The following FOXN3 variants were observed in gnomAD, a reference collection of about 807,000 sequenced individuals.
The protein encoded by FOXN3 is forkhead box N3.
FOXN3 carries 7 observed loss-of-function variants against 38.4 expected under a neutral mutation model. The ratio of observed to expected loss-of-function variants is 0.18; its 90% CI spans 0.10 to 0.34. The LOEUF (loss-of-function observed/expected upper bound fraction) is 0.34. Among genes scored for constraint, FOXN3 ranks in the 10% least tolerant of loss-of-function variants. FOXN3 has a pLI of 1.00. For synonymous variants in FOXN3, 230 were observed against 242.2 expected, an observed-to-expected ratio of 0.95 and a Z score of 0.47; for missense variants, 456 against 613.4, an observed-to-expected ratio of 0.74 and a Z score of 2.71.
In FOXN3 at chr14:89,594,189, G is replaced by A. The variant is rs117951643; in HGVS notation, c.-15+24839C>T. Among the ~76,000 whole-genome samples the A allele has an allele frequency of 5.3e-4, 81 of 152,244 alleles. 1 individual carries two copies. The East Asian group carries it at 0.013, about 24-fold the overall frequency. ...TGAACATTTCTATCCATAATTTTGG[G>A]TACATATGTATTCACTTTTCCATTG... On this transcript the variant is annotated intron_variant, in intron 1 of 6. Transcript: ENST00000345097.
intron 4 of FOXN3, among the ~76,000 whole-genome samples, chr14:89,239,242 A>T (rs1252506337): frequency 6.6e-6 from 1 of 152,152 alleles, no homozygotes; most frequent in Non-Finnish European, 1.5e-5. Flanking sequence ...GTTTTGTGGG[A>T]ATCAATTAGG....
intron 1 of FOXN3, among the ~76,000 whole-genome samples, chr14:89,509,329 G>GTTGT (rs72281256): frequency 0.26 from 39,167 of 151,206 alleles, 5,528 homozygotes; most frequent in Non-Finnish European, 0.31. Flanking sequence ...TTTTTTTGTT[G>GTTGT]TTGTTTGTTT....
chr14:89,242,256 C>A (rs1351565090), intron 4 of FOXN3, among the ~76,000 whole-genome samples: 1 of 152,130 alleles, frequency 6.6e-6, no homozygotes, highest in Non-Finnish European at 1.5e-5. Context: ...ATTATACATG[C>A]TTGGCCTTGG....
chr14:89,225,144 A>AAG (rs1491078960), intron 4 of FOXN3, among the ~76,000 whole-genome samples: 1 of 147,440 alleles, frequency 6.8e-6, no homozygotes, highest in East Asian at 2.0e-4. Flanking sequence ...AAAAAAAAAA[A>AAG]GAACTTAAAA....
chr14:89,425,062 C>CTTTTTTTTTTT (rs3994032), intron 1 of FOXN3, among the ~76,000 whole-genome samples: 3 of 104,220 alleles, frequency 2.9e-5, no homozygotes, highest in Non-Finnish European at 5.4e-5. Flanking sequence ...GTTTTCTTTT[C>CTTTTTTTTTTT]TTTTTTTTTT....
rs74346052 is a variant in FOXN3, at chr14:89,271,769, T to C, written c.745+9181A>G. 1.9e-3 allele frequency among the ~76,000 whole-genome samples: 283 copies of C among 152,362 alleles called. 1 individual carries two copies. The highest frequency in any genetic ancestry group is 6.3e-3 in the African/African-American group (262 of 41,576). On this transcript the variant is annotated intron_variant, in intron 4 of 5. Transcript: ENST00000557258. Reference sequence around the variant, plus strand: ...AAAGAAGACAAAGTTTTCATTTCCATCTTTTTGTCTTATTGTAAATTACTT... The same window carrying C: ...AAAGAAGACAAAGTTTTCATTTCCACCTTTTTGTCTTATTGTAAATTACTT...
At chr14:89,477,794 G>A (rs2139755281) in intron 1 of FOXN3, among the ~76,000 whole-genome samples, 1 of 152,242 alleles carries the variant, frequency 6.6e-6, no homozygotes, top group South Asian at 2.1e-4. Context: ...CCGGCACGAT[G>A]CCTATTTGCC....
At chr14:89,168,209 A>G (rs546419267) in intron 5 of FOXN3, among the ~76,000 whole-genome samples, 54 of 152,388 alleles carry the variant, frequency 3.5e-4, no homozygotes, top group African/African-American at 1.2e-3. Context: ...TGTTGAAATA[A>G]TTCGTTACAG....
intron 4 of FOXN3, among the ~76,000 whole-genome samples, chr14:89,259,243 T>C (rs1322152123): frequency 3.9e-5 from 6 of 152,276 alleles, no homozygotes; most frequent in Non-Finnish European, 7.3e-5. Flanking sequence ...TGCGTCTTGC[T>C]GTATGACTGA....
At chr14:89,382,373 A>C (rs1890672607) in intron 2 of FOXN3, among the ~76,000 whole-genome samples, 1 of 152,116 alleles carries the variant, frequency 6.6e-6, no homozygotes, top group Non-Finnish European at 1.5e-5. Flanking sequence ...AATGTTCCCC[A>C]GTAGAGACAC....
chr14:89,505,245 CCCCTCTCCCTCT>C (rs1178955185), intron 1 of FOXN3, among the ~76,000 whole-genome samples: 6 of 147,936 alleles, frequency 4.1e-5, no homozygotes, highest in African/African-American at 7.9e-5. Flanking sequence ...GAAACACTGT[CCCCTCTCCCTCT>C]CCCTCTCCCT....
chr14:89,432,112 C>G (rs1216905511), intron 1 of FOXN3, among the ~76,000 whole-genome samples: 2 of 152,220 alleles, frequency 1.3e-5, no homozygotes, highest in African/African-American at 4.8e-5. Context: ...ATTGCAGTCT[C>G]TGCTGCTCCA....
At chr14:89,177,825 C>T (rs1344359765) in intron 5 of FOXN3, among the ~76,000 whole-genome samples, 2 of 152,094 alleles carry the variant, frequency 1.3e-5, no homozygotes, top group East Asian at 1.9e-4. Flanking sequence ...TAGTCCCTGC[C>T]CCCCACGCAA....
Position 89,162,591 on chromosome 14 carries a change from G to C in FOXN3, c.1230C>G (p.Ser410Arg). 1.2e-6 allele frequency: 2 copies of C among 1,613,920 alleles called. No individual in the cohort carries two copies. Among genetic ancestry groups the C allele is most frequent in the African/African-American group, 1.3e-5 (1 of 74,958 alleles). The part of the protein sequence containing the change: ...QHFAKARKVP[S>R]DTLPLKKRRT... ...GTCTCTTTTTGAGGGGCAGTGTGTCGCTGGGGACCTTCCTGGCCTTGGCGA... is the reference window on the plus strand; with the variant it reads ...GTCTCTTTTTGAGGGGCAGTGTGTCCCTGGGGACCTTCCTGGCCTTGGCGA... The change falls in exon 6 of 6, where the codon AGC becomes AGG. Residue 410 changes from serine (S) to arginine (R), a missense_variant. Around this residue, in one of 3 missense-constraint regions of FOXN3, gnomAD observed 386 missense variants for 505.2 expected, o/e 0.76. Coordinates refer to ENST00000557258, the MANE Select transcript of FOXN3 (RefSeq NM_005197.4). This position sits in a 1 kb window ranked among gnomAD's most constrained non-coding sequence, Gnocchi z 7.2.
chr14:89,534,280 A>G (rs1410989357), intron 1 of FOXN3, among the ~76,000 whole-genome samples: 4 of 151,212 alleles, frequency 2.6e-5, no homozygotes, highest in Non-Finnish European at 5.9e-5. Flanking sequence ...TAGTTTTTAT[A>G]TTTTTGGTAG....
chr14:89,186,249 TG>T (rs1271948671), intron 4 of FOXN3, among the ~76,000 whole-genome samples: 37 of 152,292 alleles, frequency 2.4e-4, no homozygotes, highest in Admixed American at 9.1e-4. Flanking sequence ...GTGCCTGGTG[TG>T]TCTGACATAC....
At chr14:89,443,205 A>C (rs540636447) in intron 1 of FOXN3, among the ~76,000 whole-genome samples, 9 of 152,386 alleles carry the variant, frequency 5.9e-5, no homozygotes, top group African/African-American at 1.9e-4. Context: ...CTAATACCAC[A>C]GAATATGCAT....
chr14:89,452,013 A>T (rs1892622026), intron 1 of FOXN3, among the ~76,000 whole-genome samples: 1 of 152,108 alleles, frequency 6.6e-6, no homozygotes, highest in Non-Finnish European at 1.5e-5. Flanking sequence ...AGAAGGAACC[A>T]CAACCTAAAA....
intron 4 of FOXN3, among the ~76,000 whole-genome samples, chr14:89,187,243 G>T (rs1887830068): frequency 6.6e-6 from 1 of 152,092 alleles, no homozygotes. Flanking sequence ...TGAAAACAAG[G>T]GGCTATAAAT....
Sources: allele counts gnomAD v4.1 joint callset (sites outside exome capture counted in the v4.1 genomes callset), GRCh38; gene constraint gnomAD v4.1.1; regional missense constraint gnomAD v4.1.1; non-coding constraint Gnocchi (gnomAD v3.1); transcripts MANE v1.5; gene names NCBI Gene and HGNC (gene_info 2026-07-23, HGNC 2026-07-21).